The following SLC66A2 variants were observed in gnomAD, a reference collection of about 807,000 sequenced individuals.
SLC66A2 encodes the protein solute carrier family 66 member 2, also known as PQ loop repeat containing 1.
A neutral mutation model predicts 25.5 loss-of-function variants in SLC66A2; 23 were observed. The ratio of observed to expected loss-of-function variants is 0.90; its 90% confidence interval spans 0.65 to 1.28. The LOEUF (loss-of-function observed/expected upper bound fraction) is 1.28. SLC66A2 is among the 50% of genes most tolerant of loss of function. SLC66A2 has a pLI of 0.00. For missense variants in SLC66A2, 396 were observed against 373.1 expected (o/e 1.06, Z -0.51); for synonymous variants, 193 against 166.5 (o/e 1.16, Z -1.23).
chr18:79,934,133 A>C (rs1986848223), intron 3 of SLC66A2, 111 bp from the exon 4 acceptor site: 3 of 829,324 alleles, frequency 3.6e-6, no homozygotes, highest in Non-Finnish European at 5.8e-6. Context: ...TTCTTTAAAA[A>C]AAAAAAAACA....
intron 1 of SLC66A2, 30 bp from the exon 2 acceptor site, chr18:79,951,055 C>A (rs888629408): frequency 1.6e-6 from 1 of 625,128 alleles, no homozygotes; most frequent in Non-Finnish European, 2.3e-6. Context: ...GCTCGAGTTC[C>A]GCCCAGGGAG....
At chr18:79,943,604 C>G in intron 2 of SLC66A2, 142 bp from the exon 3 acceptor site, 1 of 986,778 alleles carries the variant, frequency 1.0e-6, no homozygotes, top group Non-Finnish European at 1.5e-6. Flanking sequence ...GCCGGAGAGA[C>G]CCTGTGTCAG....
At position 79,923,251 on chromosome 18, in the gene SLC66A2, TG is replaced by T. The variant is rs1985502134; in HGVS notation, c.392-3852del. 4.6e-4 allele frequency among the ~76,000 whole-genome samples: 4 copies of T among 8,646 alleles called. No homozygotes were observed. The South Asian group carries it at 0.017, about 37-fold the overall frequency. The allele number at this position is 8,646 out of a possible 152,430, so 5.7% of individuals were successfully genotyped here. ...TGGATGGGGGGGGGCCGTGGACGGGTGGGTGGAGGACGGGGGGCCATGGACA... is the reference window on the plus strand; with the variant it reads ...TGGATGGGGGGGGGCCGTGGACGGGTGGTGGAGGACGGGGGGCCATGGACA... On this transcript the variant is annotated intron_variant, in intron 4 of 5. Transcript: ENST00000397778.
intron 4 of SLC66A2, among the ~76,000 whole-genome samples, chr18:79,930,834 G>T (rs1240380779): frequency 6.6e-6 from 1 of 152,072 alleles, no homozygotes; most frequent in Non-Finnish European, 1.5e-5. Flanking sequence ...CTTTTCTCAA[G>T]TTCTTGAATG....
chr18:79,916,132 C>CGGTGCTCCCGTACCCAT (rs1568301947), intron 5 of SLC66A2, among the ~76,000 whole-genome samples: 1 of 110,080 alleles, frequency 9.1e-6, no homozygotes, highest in African/African-American at 3.3e-5. Context: ...CCCATACCCA[C>CGGTGCTCCCGTACCCAT]GGTGCTCCCG....
intron 5 of SLC66A2, among the ~76,000 whole-genome samples, chr18:79,910,980 CT>C (rs1364631626): frequency 1.3e-5 from 2 of 152,272 alleles, no homozygotes; most frequent in Non-Finnish European, 2.9e-5. Context: ...TGGAATGCCC[CT>C]GGCTGCCAGG....
chr18:79,912,686 T>C (rs899279246), intron 5 of SLC66A2, among the ~76,000 whole-genome samples: 6 of 151,162 alleles, frequency 4.0e-5, no homozygotes, highest in African/African-American at 1.5e-4. Flanking sequence ...GTGCGGAAAA[T>C]GTTCTGGAAT....
rs1599543210 is a variant in SLC66A2 at position 79,918,407 on chromosome 18, T to G, written c.608+777A>C. On this transcript the variant is annotated intron_variant, in intron 5 of 5. Transcript: ENST00000397778. The surrounding 1 kb of genome is among the most constrained non-coding windows in gnomAD (Gnocchi z 4.0). The stretch of plus-strand genomic sequence containing the variant: ...CGGGCACCGGGGGGCGGATCCCCAG[T>G]GAGGAGCGGGCCCGGGGGGGGGTCC... Among the ~76,000 whole-genome samples the G allele has an allele frequency of 5.6e-5, 5 of 89,782 alleles. No individual in the cohort carries two copies. Among genetic ancestry groups the G allele is most frequent in the South Asian group, 4.6e-4 (1 of 2,182 alleles). The allele number at this position is 89,782 out of a possible 152,430, so 58.9% of individuals were successfully genotyped here. A position where few individuals can be genotyped will look rare whatever the true frequency, so the allele number is the denominator to read the frequency against.
intron 1 of SLC66A2, among the ~76,000 whole-genome samples, chr18:79,951,292 G>T (rs2051117042): frequency 6.6e-6 from 1 of 151,654 alleles, no homozygotes; most frequent in South Asian, 2.1e-4. Flanking sequence ...CTTAGCCGGC[G>T]GGGGTCCACG....
Position 79,941,504 on chromosome 18 carries a change from C to T in SLC66A2, c.337+1825G>A, listed in dbSNP as rs2070831889. The T allele has an allele frequency of 6.6e-6, 1 of 152,186 alleles. No homozygotes were observed. The highest frequency in any genetic ancestry group is 2.1e-4 in the South Asian group (1 of 4,826). The allele number at this position is 152,186 out of a possible 1,614,324, so 9.4% of individuals were successfully genotyped here. ...AGGCCTAGCTCTGGAAACTGGGACT[C>T]ACATTTTTAACTCATCCTGGGTAAC... On this transcript the variant is annotated intron_variant, in intron 3 of 5. Transcript: ENST00000397778. The surrounding 1 kb of genome is among the most constrained non-coding windows in gnomAD (Gnocchi z 4.1).
At position 79,914,507 on chromosome 18, in the gene SLC66A2, G is replaced by A. The variant is rs187410529; in HGVS notation, c.608+4677C>T. ...CACTCCAGCCCACCCCAAGGCTGCC[G>A]TGGCCCCGGAGGAACAGGCAGGTAC... On this transcript the variant is annotated intron_variant, in intron 5 of 5. Coordinates refer to ENST00000397778, the MANE Select transcript of SLC66A2 (RefSeq NM_025078.5). Among the ~76,000 whole-genome samples, 228 of 152,280 alleles carry A rather than the reference G, an allele frequency of 1.5e-3. 1 individual carries two copies. The highest frequency in any genetic ancestry group is 5.2e-3 in the African/African-American group (217 of 41,554).
At chr18:79,909,702 CCACCATCTCACAA>C (rs1234808775) in intron 5 of SLC66A2, among the ~76,000 whole-genome samples, 1 of 142,068 alleles carries the variant, frequency 7.0e-6, no homozygotes, top group African/African-American at 2.7e-5. Flanking sequence ...CCAACCTTCC[CCACCATCTCACAA>C]CAGAGTCCCC....
intron 4 of SLC66A2, among the ~76,000 whole-genome samples, chr18:79,923,223 G>A (rs1985486035): frequency 1.9e-5 from 2 of 106,082 alleles, no homozygotes; most frequent in South Asian, 7.9e-4. Context: ...GACGGTGAGG[G>A]GGTGGATGGG....
chr18:79,931,349 A>G (rs1986547020), intron 4 of SLC66A2, among the ~76,000 whole-genome samples: 1 of 152,250 alleles, frequency 6.6e-6, no homozygotes, highest in Admixed American at 6.5e-5. Flanking sequence ...TAAAAAAGTT[A>G]AAAGTAAAAC....
At chr18:79,934,758 A>G (rs1346578979) in intron 3 of SLC66A2, among the ~76,000 whole-genome samples, 1 of 152,246 alleles carries the variant, frequency 6.6e-6, no homozygotes, top group Non-Finnish European at 1.5e-5. Context: ...AGAGACTCAA[A>G]TAAGTCCTGG....
chr18:79,923,177 G>A (rs1040232438), intron 4 of SLC66A2, among the ~76,000 whole-genome samples: 1 of 146,762 alleles, frequency 6.8e-6, no homozygotes. Context: ...CAGTGAGGGG[G>A]GCTGAGCAGG....
intron 2 of SLC66A2, 134 bp downstream of exon 2, chr18:79,950,590 C>G: frequency 1.3e-6 from 1 of 776,474 alleles, no homozygotes; most frequent in South Asian, 1.6e-5. Context: ...GCCACGTACC[C>G]CATCCACGGC....
At chr18:79,934,644 A>G (rs1986902600) in intron 3 of SLC66A2, among the ~76,000 whole-genome samples, 1 of 152,326 alleles carries the variant, frequency 6.6e-6, no homozygotes, top group Admixed American at 6.5e-5. Context: ...CTATCTGCGC[A>G]GCCCCAGGAC....
intron 4 of SLC66A2, among the ~76,000 whole-genome samples, chr18:79,923,696 G>C (rs547638107): frequency 6.6e-6 from 1 of 152,244 alleles, no homozygotes; most frequent in South Asian, 2.1e-4. Context: ...ATTTTTAGCT[G>C]TAAAACCAAA....
Sources: gnomAD v4.1 joint callset for allele counts (sites outside exome capture counted in the v4.1 genomes callset) on GRCh38, gnomAD v4.1.1 for gene constraint, Gnocchi (gnomAD v3.1) non-coding constraint, MANE v1.5 for transcripts, NCBI Gene and HGNC (gene_info 2026-07-23, HGNC 2026-07-21) for gene names.